The following GREB1L variants were observed in gnomAD, a reference collection of about 807,000 sequenced individuals.
GREB1L encodes GREB1-like protein.
GREB1L carries 17 observed loss-of-function variants against 200.8 expected under a neutral mutation model. The ratio of observed to expected loss-of-function variants is 0.08; its 90% confidence interval spans 0.06 to 0.13. The LOEUF (loss-of-function observed/expected upper bound fraction) is 0.13, where lower values mean the gene tolerates loss of function less well. Among genes scored for constraint, GREB1L ranks in the 10% least tolerant of loss-of-function variants. The pLI, the probability that GREB1L is intolerant of heterozygous loss-of-function variation, is 1.00. For missense variants in GREB1L, 1,657 were observed against 2,367.7 expected (o/e 0.70, Z 6.23); for synonymous variants, 789 against 893.0 (o/e 0.88, Z 2.08).
intron 1 of GREB1L, among the ~76,000 whole-genome samples, chr18:21,312,127 C>T (rs1354662761): frequency 4.6e-5 from 7 of 152,174 alleles, no homozygotes; most frequent in Admixed American, 3.9e-4. Flanking sequence ...CCTCCAGCTC[C>T]ATCCATGTCC....
intron 7 of GREB1L, among the ~76,000 whole-genome samples, chr18:21,415,061 G>A (rs2031490906): frequency 6.6e-6 from 1 of 152,054 alleles, no homozygotes; most frequent in South Asian, 2.1e-4. Context: ...AACTGAGAGG[G>A]GAGACCAGAG....
At chr18:21,313,241 G>T (rs1364368238) in intron 1 of GREB1L, among the ~76,000 whole-genome samples, 1 of 151,916 alleles carries the variant, frequency 6.6e-6, no homozygotes, top group Non-Finnish European at 1.5e-5. Context: ...AAAAATAAGA[G>T]CCAGGAAGGT....
At chr18:21,442,293 G>A (rs748515126) in intron 10 of GREB1L, among the ~76,000 whole-genome samples, 2 of 152,176 alleles carry the variant, frequency 1.3e-5, no homozygotes, top group African/African-American at 2.4e-5. Context: ...GGGTGTTTAA[G>A]TTCCCCACAT....
intron 6 of GREB1L, 26 bp downstream of exon 6, chr18:21,401,352 G>A (rs948817519): frequency 1.3e-6 from 2 of 1,526,816 alleles, no homozygotes; most frequent in African/African-American, 1.4e-5. Flanking sequence ...GAAGAAAAGG[G>A]GAGGGAATGG....
At position 21,371,149 on chromosome 18, in the gene GREB1L, C is replaced by T. The variant is rs1318225317; in HGVS notation, c.-10+5013C>T. ...TTTAGTTCCCCAGTCACACTGGCCACGTTTTAAGTGTTCAGCTGCCACATG... is the reference window on the plus strand; with the variant it reads ...TTTAGTTCCCCAGTCACACTGGCCATGTTTTAAGTGTTCAGCTGCCACATG... On this transcript the variant is annotated intron_variant, in intron 2 of 32. Coordinates refer to ENST00000424526, the MANE Select transcript of GREB1L (RefSeq NM_001142966.3). Among the ~76,000 whole-genome samples, 4 of 152,074 alleles carry T rather than the reference C, an allele frequency of 2.6e-5. No individual in the cohort carries two copies. In the East Asian group the frequency reaches 5.8e-4, roughly 22 times the overall value.
chr18:21,405,709 G>A (rs112538709), intron 7 of GREB1L, among the ~76,000 whole-genome samples: 3 of 152,266 alleles, frequency 2.0e-5, no homozygotes, highest in African/African-American at 4.8e-5. Flanking sequence ...GCTGAGGCAC[G>A]AGAATTGCTT....
At chr18:21,323,050 C>G (rs1397486865) in intron 1 of GREB1L, among the ~76,000 whole-genome samples, 1 of 151,950 alleles carries the variant, frequency 6.6e-6, no homozygotes. Flanking sequence ...TTTGGGAGGC[C>G]AAGTCAGGCA....
At chr18:21,444,453 G>A in intron 11 of GREB1L, 44 bp downstream of exon 11, 1 of 1,419,902 alleles carries the variant, frequency 7.0e-7, no homozygotes, top group Non-Finnish European at 9.6e-7. Flanking sequence ...TACTTTTGAG[G>A]ATTTTTTGTG....
At chr18:21,244,533 G>A (rs2037564316) in intron 1 of GREB1L, among the ~76,000 whole-genome samples, 1 of 152,148 alleles carries the variant, frequency 6.6e-6, no homozygotes, top group African/African-American at 2.4e-5. Context: ...TGAACTATGT[G>A]ATTTTTAAGG....
At chr18:21,520,879 TAC>T (rs1183595861) in intron 32 of GREB1L, 56 bp downstream of exon 32, 3 of 1,429,614 alleles carry the variant, frequency 2.1e-6, no homozygotes, top group Non-Finnish European at 1.9e-6. Flanking sequence ...CTGAGCAAAA[TAC>T]AGAAGATAAA....
At chr18:21,505,292 T>G in intron 23 of GREB1L, 120 bp from the exon 24 acceptor site, 1 of 895,726 alleles carries the variant, frequency 1.1e-6, no homozygotes, top group Non-Finnish European at 1.7e-6. Flanking sequence ...GGGGAGCTCA[T>G]TTTTCAGAAA....
At chr18:21,243,969 G>A (rs867908335) in intron 1 of GREB1L, among the ~76,000 whole-genome samples, 10 of 152,116 alleles carry the variant, frequency 6.6e-5, no homozygotes, top group Middle Eastern at 6.8e-3. Context: ...ATATCTTTCC[G>A]TAAGTCTATT....
chr18:21,358,456 C>T (rs2039536346), intron 1 of GREB1L, among the ~76,000 whole-genome samples: 2 of 152,170 alleles, frequency 1.3e-5, no homozygotes, highest in Non-Finnish European at 2.9e-5. Context: ...GCTGGGACTA[C>T]AGGCGCCTGC....
chr18:21,370,238 C>T (rs1450159162), intron 2 of GREB1L, among the ~76,000 whole-genome samples: 1 of 151,830 alleles, frequency 6.6e-6, no homozygotes, highest in African/African-American at 2.4e-5. Flanking sequence ...TTTTTTTACT[C>T]AGTTCCAGCT....
At chr18:21,522,149 G>T (rs2146136758) in intron 32 of GREB1L, among the ~76,000 whole-genome samples, 1 of 152,006 alleles carries the variant, frequency 6.6e-6, no homozygotes, top group Non-Finnish European at 1.5e-5. Flanking sequence ...GAATGTGGTT[G>T]GAAGATTACT....
chr18:21,411,361 C>T (rs942791112), intron 7 of GREB1L, among the ~76,000 whole-genome samples: 2 of 152,084 alleles, frequency 1.3e-5, no homozygotes, highest in African/African-American at 4.8e-5. Context: ...CTCCCGCCAC[C>T]ATGGCCAGCT....
chr18:21,498,113 C>G (rs139203308), intron 21 of GREB1L, among the ~76,000 whole-genome samples: 1 of 152,122 alleles, frequency 6.6e-6, no homozygotes, highest in Admixed American at 6.5e-5. Context: ...TGAGCCACCG[C>G]GCCCAGCCTC....
intron 2 of GREB1L, among the ~76,000 whole-genome samples, chr18:21,367,114 G>A (rs2039706215): frequency 6.6e-6 from 1 of 152,122 alleles, no homozygotes; most frequent in South Asian, 2.1e-4. Context: ...AGCTGAGTGG[G>A]GTCAGTGAGA....
At chr18:21,434,527 GTGTGTATATATA>G (rs1474398942) in intron 7 of GREB1L, among the ~76,000 whole-genome samples, 2 of 138,772 alleles carry the variant, frequency 1.4e-5, no homozygotes, top group Non-Finnish European at 3.0e-5. Flanking sequence ...GTGTGTGTGT[GTGTGTATATATA>G]TGTGTATATA....
Sources: allele counts gnomAD v4.1 joint callset (sites outside exome capture counted in the v4.1 genomes callset), GRCh38; gene constraint gnomAD v4.1.1; transcripts MANE v1.5; gene names NCBI Gene and HGNC (gene_info 2026-07-23, HGNC 2026-07-21).